The following PLPPR1 variants were observed in gnomAD, a reference collection of about 807,000 sequenced individuals.
The protein encoded by PLPPR1 is phospholipid phosphatase-related protein type 1.
Under a neutral mutation model 33.1 loss-of-function variants are expected in PLPPR1, and 10 were observed. The observed-to-expected ratio is 0.30, with a 90% CI of 0.19 to 0.51. The LOEUF is 0.51. Among genes scored for constraint, PLPPR1 ranks in the 20% least tolerant of loss-of-function variants. PLPPR1 has a pLI of 0.97. For missense variants in PLPPR1, 304 were observed against 408.1 expected (o/e 0.74, Z 2.20); for synonymous variants, 151 against 151.0 (o/e 1.00, Z 0.00).
At chr9:101,183,452 G>A (rs1419662033) in intron 1 of PLPPR1, among the ~76,000 whole-genome samples, 1 of 151,654 alleles carries the variant, frequency 6.6e-6, no homozygotes, top group East Asian at 1.9e-4. Flanking sequence ...TCCAGAAAAG[G>A]CAAATCTGTA....
intron 4 of PLPPR1, among the ~76,000 whole-genome samples, chr9:101,307,890 CA>C (rs151032421): frequency 0.017 from 2,555 of 152,246 alleles, 47 homozygotes; most frequent in African/African-American, 0.048. Flanking sequence ...TTCATCTCTT[CA>C]ACCCACTTAT....
chr9:101,254,417 C>T (rs920575091), intron 2 of PLPPR1, among the ~76,000 whole-genome samples: 3 of 152,102 alleles, frequency 2.0e-5, no homozygotes, highest in African/African-American at 4.8e-5. Context: ...GGAGGCAGAG[C>T]TCAGGTGGTA....
At chr9:101,110,451 T>G (rs1831041836) in intron 1 of PLPPR1, among the ~76,000 whole-genome samples, 1 of 152,166 alleles carries the variant, frequency 6.6e-6, no homozygotes, top group African/African-American at 2.4e-5. Flanking sequence ...CAAATTCCTT[T>G]TATTCTGAAA....
intron 2 of PLPPR1, among the ~76,000 whole-genome samples, chr9:101,195,965 T>C (rs1479043261): frequency 1.3e-5 from 2 of 152,226 alleles, no homozygotes; most frequent in Non-Finnish European, 2.9e-5. Flanking sequence ...GAAGTGAACA[T>C]ACTATATTTG....
At chr9:101,131,921 A>G (rs1211367521) in intron 1 of PLPPR1, among the ~76,000 whole-genome samples, 1 of 152,210 alleles carries the variant, frequency 6.6e-6, no homozygotes, top group Non-Finnish European at 1.5e-5. Flanking sequence ...GGTGATAATG[A>G]TAGTGTCTGC....
intron 2 of PLPPR1, among the ~76,000 whole-genome samples, chr9:101,189,521 A>G (rs904061071): frequency 2.0e-5 from 3 of 152,114 alleles, no homozygotes; most frequent in African/African-American, 7.2e-5. Flanking sequence ...CAACTTTGTC[A>G]TGAGTTGGGG....
intron 4 of PLPPR1, among the ~76,000 whole-genome samples, chr9:101,307,715 T>C (rs1828880952): frequency 6.6e-6 from 1 of 152,194 alleles, no homozygotes; most frequent in Non-Finnish European, 1.5e-5. Flanking sequence ...TGGATTAATT[T>C]TTGGGTGCTG....
At chr9:101,249,907 T>C (rs548653540) in intron 2 of PLPPR1, among the ~76,000 whole-genome samples, 146 of 152,190 alleles carry the variant, frequency 9.6e-4, no homozygotes, top group African/African-American at 3.2e-3. Context: ...TTTGAGGGCT[T>C]ATGTTTTCTG....
intron 1 of PLPPR1, chr9:101,131,593 G>C (rs997123365): frequency 6.6e-6 from 1 of 152,220 alleles, no homozygotes; most frequent in Non-Finnish European, 1.5e-5. Flanking sequence ...GGTCAGCTCA[G>C]TGAAGGCTCT....
intron 2 of PLPPR1, among the ~76,000 whole-genome samples, chr9:101,255,093 T>C (rs1277216947): frequency 6.6e-6 from 1 of 151,174 alleles, no homozygotes; most frequent in Non-Finnish European, 1.5e-5. Flanking sequence ...CATGTCACTA[T>C]TGTTTTGATT....
chr9:101,165,726 A>T (rs1018419870), intron 1 of PLPPR1, among the ~76,000 whole-genome samples: 1 of 152,206 alleles, frequency 6.6e-6, no homozygotes, highest in Non-Finnish European at 1.5e-5. Context: ...GTTCTTTGTC[A>T]TCTGTTCATC....
At chr9:101,091,919 C>G (rs1830746089) in intron 1 of PLPPR1, among the ~76,000 whole-genome samples, 1 of 152,234 alleles carries the variant, frequency 6.6e-6, no homozygotes, top group Non-Finnish European at 1.5e-5. Context: ...GGCCTCCCAG[C>G]TTTTGGCTTT....
chr9:101,120,099 A>T (rs745427211), intron 1 of PLPPR1, among the ~76,000 whole-genome samples: 4 of 152,250 alleles, frequency 2.6e-5, no homozygotes, highest in African/African-American at 4.8e-5. Flanking sequence ...ATTAAGTCAC[A>T]CATCTTGACA....
intron 2 of PLPPR1, among the ~76,000 whole-genome samples, chr9:101,223,166 A>AG (rs1826986429): frequency 9.0e-6 from 1 of 111,292 alleles, no homozygotes; most frequent in Non-Finnish European, 1.8e-5. Context: ...AAAAAAAAAA[A>AG]AAAAAAGAAA....
intron 1 of PLPPR1, among the ~76,000 whole-genome samples, chr9:101,137,882 C>T (rs1468525005): frequency 1.3e-5 from 2 of 152,158 alleles, no homozygotes; most frequent in Admixed American, 6.5e-5. Context: ...TGTAAATGAA[C>T]AGACAGGTTC....
At chr9:101,124,936 A>G (rs1402138355) in intron 1 of PLPPR1, among the ~76,000 whole-genome samples, 1 of 152,236 alleles carries the variant, frequency 6.6e-6, no homozygotes, top group Non-Finnish European at 1.5e-5. Flanking sequence ...GATTAAGTTT[A>G]GTTAAAGGAC....
intron 4 of PLPPR1, among the ~76,000 whole-genome samples, chr9:101,304,597 C>T (rs2118947138): frequency 6.6e-6 from 1 of 152,272 alleles, no homozygotes; most frequent in South Asian, 2.1e-4. Context: ...ATTTTTCCAA[C>T]ATCCGATGTG....
At chr9:101,034,327 T>A (rs972099139) in intron 1 of PLPPR1, among the ~76,000 whole-genome samples, 2 of 152,136 alleles carry the variant, frequency 1.3e-5, no homozygotes, top group Non-Finnish European at 2.9e-5. Flanking sequence ...CACAACTACA[T>A]GACTGAAATG....
Position 101,309,229 on chromosome 9 carries a change from T to A in PLPPR1, c.404T>A (p.Leu135His), listed in dbSNP as rs1564033853. 5 of 1,614,040 alleles carry A rather than the reference T, an allele frequency of 3.1e-6. No homozygotes were observed. The highest frequency in any genetic ancestry group is 4.2e-6 in the Non-Finnish European group (5 of 1,180,026). Residue 135 changes from leucine (L) to histidine (H), a missense_variant, in exon 5 of 8, where the codon CTT becomes CAT. Leu to His is a moderately conservative substitution (Grantham distance 99, BLOSUM62 -3). Coordinates refer to ENST00000374874, the MANE Select transcript of PLPPR1 (RefSeq NM_207299.2). Reference protein sequence around the residue: ...IRFTGVFAFGLFATDIFVNAG... With the variant: ...IRFTGVFAFGHFATDIFVNAG... Reference sequence around the variant, plus strand: ...CTTATAGGGGTGTTTGCATTTGGACTTTTTGCTACTGACATTTTTGTAAAC... The same window carrying A: ...CTTATAGGGGTGTTTGCATTTGGACATTTTGCTACTGACATTTTTGTAAAC...
Sources: allele counts gnomAD v4.1 joint callset (sites outside exome capture counted in the v4.1 genomes callset), GRCh38; gene constraint gnomAD v4.1.1; transcripts MANE v1.5; gene names NCBI Gene and HGNC (gene_info 2026-07-23, HGNC 2026-07-21).